The following CACNA1I variants were observed in gnomAD, a reference collection of about 807,000 sequenced individuals.
The protein encoded by CACNA1I is voltage-dependent T-type calcium channel subunit alpha-1I.
CACNA1I carries 74 observed loss-of-function variants against 201.6 expected under a neutral mutation model. That is an observed-to-expected ratio of 0.37 (90% confidence interval 0.30 to 0.45). The LOEUF (loss-of-function observed/expected upper bound fraction) is 0.45. Ranked by LOEUF, CACNA1I falls within the 20% of genes least tolerant of loss-of-function variation. CACNA1I has a pLI of 1.00. For missense variants in CACNA1I, 2,346 were observed against 3,138.1 expected (o/e 0.75, Z 6.03); for synonymous variants, 1,431 against 1,345.2 (o/e 1.06, Z -1.40).
intron 4 of CACNA1I, among the ~76,000 whole-genome samples, chr22:39,626,658 G>A (rs1207757497): frequency 6.6e-6 from 1 of 151,976 alleles, no homozygotes; most frequent in Non-Finnish European, 1.5e-5. Context: ...GTGCAGTGGC[G>A]TGATCTCGGC....
chr22:39,645,877 C>T (rs1199138024), intron 7 of CACNA1I, among the ~76,000 whole-genome samples: 1 of 152,256 alleles, frequency 6.6e-6, no homozygotes, highest in Non-Finnish European at 1.5e-5. Context: ...TTCATGCAAG[C>T]ACAGATAAAG....
intron 4 of CACNA1I, among the ~76,000 whole-genome samples, chr22:39,632,242 C>T (rs1017510257): frequency 3.3e-5 from 5 of 152,290 alleles, no homozygotes; most frequent in East Asian, 1.9e-4. Context: ...CAGCTGCTAC[C>T]GGCCCTCTGT....
chr22:39,620,352 C>G (rs998054940), intron 4 of CACNA1I, among the ~76,000 whole-genome samples: 1 of 151,860 alleles, frequency 6.6e-6, no homozygotes, highest in Non-Finnish European at 1.5e-5. Context: ...TATAGTCAGC[C>G]AGACATCCAC....
At chr22:39,668,235 G>A in intron 23 of CACNA1I, 57 bp from the exon 24 acceptor site, 1 of 1,028,908 alleles carries the variant, frequency 9.7e-7, no homozygotes, top group Non-Finnish European at 1.5e-6. Flanking sequence ...AGGGGTGGCT[G>A]CAGCTGGAGT....
intron 25 of CACNA1I, among the ~76,000 whole-genome samples, chr22:39,670,441 C>T (rs572433316): frequency 6.6e-6 from 1 of 152,352 alleles, no homozygotes; most frequent in Non-Finnish European, 1.5e-5. Context: ...ACACCACTGC[C>T]AACCTGAGTG....
chr22:39,641,297 T>C, intron 6 of CACNA1I, 115 bp downstream of exon 6: 1 of 836,784 alleles, frequency 1.2e-6, no homozygotes, highest in Non-Finnish European at 1.9e-6. Flanking sequence ...CCTGCCCAGC[T>C]TGCTGGCAGA....
intron 1 of CACNA1I, among the ~76,000 whole-genome samples, chr22:39,593,982 C>T (rs112825641): frequency 2.6e-5 from 4 of 151,886 alleles, no homozygotes; most frequent in Admixed American, 6.6e-5. Flanking sequence ...TGGGGGATAC[C>T]GAGGATGCTG....
Position 39,664,762 on chromosome 22 carries a change from C to A in CACNA1I, c.3690C>A (p.Phe1230Leu), listed in dbSNP as rs16985844. 1 of 1,431,070 alleles carries A rather than the reference C, an allele frequency of 7.0e-7. No individual in the cohort carries two copies. Among genetic ancestry groups the A allele is most frequent in the East Asian group, 3.5e-5 (1 of 28,832 alleles). The allele number at this position is 1,431,070 out of a possible 1,614,324, so 88.6% of individuals were successfully genotyped here. ...AGGTAGTCTCGCTGGGCCTGTACTTCGGCGAGCAGGCGTACCTACGCAGCA... is the reference window on the plus strand; with the variant it reads ...AGGTAGTCTCGCTGGGCCTGTACTTAGGCGAGCAGGCGTACCTACGCAGCA... ...TLKVVSLGLY[F>L]GEQAYLRSSW... The change falls in exon 21 of 37, where the codon TTC becomes TTA. Residue 1230 changes from phenylalanine (F) to leucine (L), a missense_variant. Coordinates refer to ENST00000402142, the MANE Select transcript of CACNA1I (RefSeq NM_021096.4).
chr22:39,619,231 G>A (rs1933653634), intron 3 of CACNA1I, 79 bp from the exon 4 acceptor site: 3 of 1,063,714 alleles, frequency 2.8e-6, no homozygotes, highest in Middle Eastern at 2.0e-4. Flanking sequence ...TGCGCAGGTG[G>A]CTGGAGAATG....
intron 3 of CACNA1I, among the ~76,000 whole-genome samples, chr22:39,619,047 C>T (rs1207012987): frequency 6.6e-6 from 1 of 152,172 alleles, no homozygotes; most frequent in Admixed American, 6.5e-5. Context: ...CAGCGCTGGG[C>T]ACACAGTGGG....
intron 1 of CACNA1I, among the ~76,000 whole-genome samples, chr22:39,595,594 C>G (rs1010909105): frequency 6.0e-5 from 9 of 150,108 alleles, no homozygotes; most frequent in African/African-American, 2.0e-4. Flanking sequence ...CATTGCACTC[C>G]AGCCTGGGCA....
chr22:39,587,479 C>T (rs892692820), intron 1 of CACNA1I, among the ~76,000 whole-genome samples: 10 of 152,274 alleles, frequency 6.6e-5, no homozygotes, highest in Admixed American at 2.6e-4. Flanking sequence ...CGGGCAAGTG[C>T]TGTCTTCTCT....
chr22:39,642,962 C>G (rs1934387321), intron 7 of CACNA1I, 73 bp downstream of exon 7: 1 of 1,027,656 alleles, frequency 9.7e-7, no homozygotes, highest in Non-Finnish European at 1.5e-6. Flanking sequence ...GAGGGAGGGT[C>G]TTTGGGAGTC....
In CACNA1I at chr22:39,662,421, G is replaced by T; in HGVS notation, c.3358G>T (p.Glu1120Ter). The T allele has an allele frequency of 6.9e-7, 1 of 1,452,834 alleles. No homozygotes were observed. 90.0% of individuals were successfully genotyped at this position (1,452,834 alleles called of 1,614,324 possible). ...GDRGDRGEDEEEIDYTLCFRV... is the reference protein window; with the variant it reads ...GDRGDRGEDE ...CCGCGGGGATCGCGGGGAGGATGAG[G>T]AGGAAATCGACTACGTGAGTGGGGG... The change falls in exon 17 of 37, where the codon GAG becomes TAG. Residue 1120 changes from glutamate (E) to a stop codon, truncating the protein, a stop_gained. Transcript: ENST00000402142. LOFTEE classifies it high-confidence loss of function.
chr22:39,628,682 C>A (rs1335528720), intron 4 of CACNA1I, among the ~76,000 whole-genome samples: 3 of 152,118 alleles, frequency 2.0e-5, no homozygotes, highest in Non-Finnish European at 2.9e-5. Flanking sequence ...CCTGGCCAGG[C>A]CTCTTGGTGC....
In CACNA1I at chr22:39,593,655, T is replaced by C. The variant is rs563355961; in HGVS notation, c.237-4496T>C. On this transcript the variant is annotated intron_variant, in intron 1 of 36. Transcript: ENST00000402142. ...GGCTTGGGAGGGTGATGGGGAGCCA[T>C]GGGAGGTTCTTGAGCAGGAGAGAGG... 1.3e-3 allele frequency among the ~76,000 whole-genome samples: 194 copies of C among 152,054 alleles called. 1 individual carries two copies. The highest frequency in any genetic ancestry group is 4.5e-3 in the African/African-American group (186 of 41,476).
At chr22:39,650,361 C>G (rs188488898) in intron 10 of CACNA1I, among the ~76,000 whole-genome samples, 1 of 152,142 alleles carries the variant, frequency 6.6e-6, no homozygotes, top group Non-Finnish European at 1.5e-5. Flanking sequence ...CTCTGCTGCC[C>G]AGGCTGGAGT....
rs1934911596 is a variant in CACNA1I, at chr22:39,658,969, C to T, written c.2183C>T (p.Ser728Leu). Reference protein sequence around the residue: ...EIVGQADGGLSVLRTFRLLRV... With the variant: ...EIVGQADGGLLVLRTFRLLRV... ...GTGGGGCAGGCGGACGGTGGGCTGT[C>T]GGTGCTGCGGACCTTCCGGCTGCTG... Residue 728 changes from serine (S) to leucine (L), a missense_variant, in exon 12 of 37, where the codon TCG becomes TTG. This residue lies in a region of CACNA1I where 155 missense variants were observed against 300.8 expected (regional missense o/e 0.52). Transcript: ENST00000402142. 6.2e-7 allele frequency: 1 copy of T among 1,605,180 alleles called. No homozygotes were observed. Among genetic ancestry groups the T allele is most frequent in the Non-Finnish European group, 8.5e-7 (1 of 1,177,414 alleles).
chr22:39,635,349 T>TCCCTGCC (rs980363202), intron 5 of CACNA1I, among the ~76,000 whole-genome samples: 3 of 147,146 alleles, frequency 2.0e-5, no homozygotes, highest in Non-Finnish European at 3.0e-5. Context: ...AGGGGGGGGG[T>TCCCTGCC]CCCTGCCCCC....
Sources: allele counts gnomAD v4.1 joint callset (sites outside exome capture counted in the v4.1 genomes callset), GRCh38; gene constraint gnomAD v4.1.1; regional missense constraint gnomAD v4.1.1; transcripts MANE v1.5; gene names NCBI Gene and HGNC (gene_info 2026-07-23, HGNC 2026-07-21).